WDR64: variants seen among roughly 807,000 people sequenced by gnomAD.
WDR64 encodes WD repeat-containing protein 64.
Under a neutral mutation model 139.3 loss-of-function variants are expected in WDR64, and 112 were observed. The observed-to-expected ratio is 0.80, with a 90% CI of 0.69 to 0.94. The LOEUF is 0.94. WDR64 is among the 40% of genes least tolerant of loss of function. The probability of loss-of-function intolerance (pLI) is 0.00; values close to 1 mark genes in which losing one functional copy is unlikely to be tolerated. For synonymous variants in WDR64, 444 were observed against 437.7 expected (o/e 1.01, Z -0.18); for missense variants, 1,206 against 1,293.1 (o/e 0.93, Z 1.03).
chr1:241,655,107 A>G (rs369179567), intron 1 of WDR64, among the ~76,000 whole-genome samples: 14 of 152,188 alleles, frequency 9.2e-5, no homozygotes, highest in Non-Finnish European at 2.1e-4. Context: ...CTTCTTGGCC[A>G]GGCGCGGTGG....
At chr1:241,671,290 T>G (rs1666217384) in intron 3 of WDR64, 114 bp downstream of exon 3, 1 of 740,554 alleles carries the variant, frequency 1.4e-6, no homozygotes, top group South Asian at 2.0e-5. Flanking sequence ...TGTTCAATAC[T>G]TTATCACTAG....
At chr1:241,741,896 T>C (rs1669561636) in intron 12 of WDR64, among the ~76,000 whole-genome samples, 1 of 152,198 alleles carries the variant, frequency 6.6e-6, no homozygotes, top group African/African-American at 2.4e-5. Context: ...ACAGCTAGTT[T>C]TCACAATCAA....
chr1:241,781,776 A>G (rs1165346819), intron 22 of WDR64, among the ~76,000 whole-genome samples: 3 of 143,402 alleles, frequency 2.1e-5, no homozygotes, highest in Non-Finnish European at 4.6e-5. Context: ...AATGCAATGC[A>G]GTAGAACAGA....
chr1:241,774,850 G>T (rs191004542), intron 20 of WDR64, among the ~76,000 whole-genome samples: 28 of 152,274 alleles, frequency 1.8e-4, no homozygotes, highest in African/African-American at 6.7e-4. Context: ...CCCAAGTGTA[G>T]AACAGTATAT....
intron 2 of WDR64, among the ~76,000 whole-genome samples, chr1:241,669,258 A>G (rs1163885577): frequency 2.6e-5 from 4 of 152,224 alleles, no homozygotes; most frequent in Non-Finnish European, 5.9e-5. Flanking sequence ...CTGACCCTGG[A>G]CCACCTGACT....
intron 14 of WDR64, among the ~76,000 whole-genome samples, chr1:241,754,077 A>G (rs537823134): frequency 7.9e-5 from 12 of 152,224 alleles, no homozygotes; most frequent in African/African-American, 2.9e-4. Flanking sequence ...CAGATTAGAA[A>G]AATGAACAAA....
At chr1:241,677,564 A>T (rs1336971365) in intron 4 of WDR64, among the ~76,000 whole-genome samples, 1 of 152,234 alleles carries the variant, frequency 6.6e-6, no homozygotes, top group Non-Finnish European at 1.5e-5. Flanking sequence ...TCTTGGGAGC[A>T]ATTTCCATGC....
rs1227064261 is a variant in WDR64 at position 241,683,701 on chromosome 1, G to A, written c.839G>A (p.Ser280Asn). 5 of 1,543,852 alleles carry A rather than the reference G, an allele frequency of 3.2e-6. No homozygotes were observed. The highest frequency in any genetic ancestry group is 4.9e-5 in the East Asian group (2 of 40,830). ...NQVLDSKNFK[S>N]VKRKLHNDWV... ...GTCTTAGACTCAAAGAACTTTAAAA[G>A]GTAAGAGTATCATACAGTTAATTTA... The change falls in exon 7 of 28, where the codon AGT becomes AAT. Residue 280 changes from serine to asparagine, a missense_variant and splice_region_variant. Transcript: ENST00000437684.
At chr1:241,743,866 T>C (rs7368200) in intron 12 of WDR64, among the ~76,000 whole-genome samples, 88,565 of 151,914 alleles carry the variant, frequency 0.58, 27,070 homozygotes, top group African/African-American at 0.78. Flanking sequence ...CTCTTTCTCT[T>C]TGTGTATGTG....
intron 14 of WDR64, among the ~76,000 whole-genome samples, chr1:241,752,913 A>G (rs1670033479): frequency 6.6e-6 from 1 of 152,178 alleles, no homozygotes; most frequent in Non-Finnish European, 1.5e-5. Context: ...GTGGGCACAT[A>G]AATCTAACTA....
chr1:241,713,421 A>T (rs1668267056), intron 9 of WDR64, among the ~76,000 whole-genome samples: 1 of 137,566 alleles, frequency 7.3e-6, no homozygotes, highest in Admixed American at 7.3e-5. Context: ...AAGGGAAGGA[A>T]GGGAAGGAAG....
At chr1:241,765,944 G>A (rs563617641) in intron 15 of WDR64, among the ~76,000 whole-genome samples, 89 of 152,142 alleles carry the variant, frequency 5.8e-4, no homozygotes, top group Non-Finnish European at 9.3e-4. Context: ...AGAGGAAGAC[G>A]GGAAGAAAGT....
At chr1:241,768,057 C>T (rs948641803) in intron 16 of WDR64, among the ~76,000 whole-genome samples, 1 of 152,156 alleles carries the variant, frequency 6.6e-6, no homozygotes, top group African/African-American at 2.4e-5. Context: ...ACTAAGAAGA[C>T]CATTATCTTG....
intron 14 of WDR64, among the ~76,000 whole-genome samples, chr1:241,752,540 C>T (rs899768122): frequency 1.3e-5 from 2 of 152,090 alleles, no homozygotes; most frequent in Admixed American, 6.5e-5. Context: ...CCATTGAAAC[C>T]GGTTAAACCT....
At chr1:241,741,486 A>G (rs1323347901) in intron 11 of WDR64, 30 bp from the exon 12 acceptor site, 2 of 1,567,044 alleles carry the variant, frequency 1.3e-6, no homozygotes, top group South Asian at 1.2e-5. Context: ...CTAATATTGC[A>G]TATTTATGAG....
chr1:241,764,383 T>C (rs1658053731), intron 15 of WDR64, among the ~76,000 whole-genome samples: 4 of 152,176 alleles, frequency 2.6e-5, no homozygotes, highest in Admixed American at 2.6e-4. Context: ...CCAGGCTCAG[T>C]GGCTCACACC....
rs1179743756 is a variant in WDR64 at position 241,703,294 on chromosome 1, T to C, written c.975-8508T>C. Among the ~76,000 whole-genome samples the C allele has an allele frequency of 1.3e-5, 2 of 152,074 alleles. No homozygotes were observed. Among genetic ancestry groups the C allele is most frequent in the Non-Finnish European group, 2.9e-5 (2 of 68,026 alleles). On this transcript the variant is annotated intron_variant, in intron 8 of 27. Transcript: ENST00000437684. The surrounding 1 kb of genome is among the most constrained non-coding windows in gnomAD (Gnocchi z 5.9). ...TCCATTCAGTGAACAACCCCTATCG[T>C]GTAACACATGCCCCCTGAAAAAAGT...
At chr1:241,757,530 G>C in intron 15 of WDR64, 71 bp downstream of exon 15, 1 of 1,404,626 alleles carries the variant, frequency 7.1e-7, no homozygotes, top group Non-Finnish European at 9.6e-7. Context: ...ATATATAAAG[G>C]TACAGAAAAT....
chr1:241,748,908 A>G (rs1472960685), intron 13 of WDR64, among the ~76,000 whole-genome samples: 1 of 151,416 alleles, frequency 6.6e-6, no homozygotes, highest in Non-Finnish European at 1.5e-5. Context: ...ACTGCACTCC[A>G]GCCTGGGTGA....
Sources: gnomAD v4.1 joint callset for allele counts (sites outside exome capture counted in the v4.1 genomes callset) on GRCh38, gnomAD v4.1.1 for gene constraint, Gnocchi (gnomAD v3.1) non-coding constraint, MANE v1.5 for transcripts, NCBI Gene and HGNC (gene_info 2026-07-23, HGNC 2026-07-21) for gene names.